Variants in GABRG3 observed in about 807,000 individuals in gnomAD.
The protein encoded by GABRG3 is gamma-aminobutyric acid receptor subunit gamma-3.
GABRG3 carries 25 observed loss-of-function variants against 48.8 expected under a neutral mutation model. The ratio of observed to expected loss-of-function variants is 0.51; its 90% CI spans 0.37 to 0.72. GABRG3 has a LOEUF of 0.72. Among genes scored for constraint, GABRG3 ranks in the 30% least tolerant of loss-of-function variants. GABRG3 has a pLI of 0.00. For synonymous variants in GABRG3, 227 were observed against 217.6 expected (o/e 1.04, Z -0.38); for missense variants, 394 against 577.9 (o/e 0.68, Z 3.26).
rs140639451 is a variant in GABRG3 at position 27,423,560 on chromosome 15, C to T, written c.575-57090C>T. 3.0e-4 allele frequency among the ~76,000 whole-genome samples: 43 copies of T among 145,662 alleles called. No homozygotes were observed. The East Asian group carries it at 8.3e-3, about 28-fold the overall frequency. Reference sequence around the variant, plus strand: ...TTTTTGGTTTTTTTTTTTTTTGAGACGAGGTTTTAGGGTCTTATTCTGTCG... The same window carrying T: ...TTTTTGGTTTTTTTTTTTTTTGAGATGAGGTTTTAGGGTCTTATTCTGTCG... On this transcript the variant is annotated intron_variant, in intron 5 of 9. Coordinates refer to ENST00000615808, the MANE Select transcript of GABRG3 (RefSeq NM_033223.5).
At chr15:27,272,291 G>A (rs1485088394) in intron 3 of GABRG3, among the ~76,000 whole-genome samples, 1 of 152,194 alleles carries the variant, frequency 6.6e-6, no homozygotes, top group African/African-American at 2.4e-5. Flanking sequence ...CATCTCTTGG[G>A]CACCCAGAGT....
intron 3 of GABRG3, among the ~76,000 whole-genome samples, chr15:27,211,584 G>A (rs1288873407): frequency 6.6e-6 from 1 of 152,162 alleles, no homozygotes; most frequent in Non-Finnish European, 1.5e-5. Flanking sequence ...AACAGCTTAA[G>A]CTAAAATGGT....
chr15:27,256,953 C>G (rs1245260970), intron 3 of GABRG3, among the ~76,000 whole-genome samples: 1 of 152,202 alleles, frequency 6.6e-6, no homozygotes, highest in Non-Finnish European at 1.5e-5. Context: ...ATTGCTGGAT[C>G]ATTTGGCAGT....
chr15:27,344,130 T>G (rs779610527), intron 5 of GABRG3, among the ~76,000 whole-genome samples: 55 of 152,214 alleles, frequency 3.6e-4, no homozygotes, highest in Non-Finnish European at 6.9e-4. Context: ...CCTCATCTTA[T>G]GAATAATGTG....
At chr15:27,263,663 G>A (rs8043244) in intron 3 of GABRG3, among the ~76,000 whole-genome samples, 92,616 of 152,000 alleles carry the variant, frequency 0.61, 29,099 homozygotes, top group Non-Finnish European at 0.69. Context: ...ATGGTATTCA[G>A]TTATGATTTC....
At chr15:27,264,832 C>A (rs1009909605) in intron 3 of GABRG3, among the ~76,000 whole-genome samples, 2 of 152,042 alleles carry the variant, frequency 1.3e-5, no homozygotes, top group Non-Finnish European at 2.9e-5. Context: ...CCTCTTTCCT[C>A]ACTCTATTAC....
At chr15:27,158,138 G>A (rs1011326372) in intron 3 of GABRG3, 4 of 152,024 alleles carry the variant, frequency 2.6e-5, no homozygotes, top group African/African-American at 9.7e-5. Context: ...AGGGATGCAG[G>A]TGGAAGGGGA....
intron 5 of GABRG3, among the ~76,000 whole-genome samples, chr15:27,423,721 C>CTTTTTTTTTTTTTTTTTTTT (rs542775399): frequency 1.2e-5 from 1 of 81,790 alleles, no homozygotes; most frequent in African/African-American, 5.9e-5. Context: ...TTTTCTTTTC[C>CTTTTTTTTTTTTTTTTTTTT]TTTTTTTTTT....
intron 3 of GABRG3, among the ~76,000 whole-genome samples, chr15:27,113,439 A>T (rs1897588741): frequency 2.6e-5 from 4 of 152,162 alleles, no homozygotes; most frequent in Admixed American, 2.6e-4. Flanking sequence ...AATACCAAAG[A>T]AGAGTTACCG....
At chr15:27,264,935 A>T (rs1890872818) in intron 3 of GABRG3, among the ~76,000 whole-genome samples, 1 of 152,124 alleles carries the variant, frequency 6.6e-6, no homozygotes, top group Non-Finnish European at 1.5e-5. Flanking sequence ...AAAAAAACAA[A>T]AACAACCAAC....
chr15:27,322,745 C>T lies in GABRG3; in HGVS notation c.271-4064C>T, dbSNP rs187211069. On this transcript the variant is annotated intron_variant, in intron 3 of 9. Coordinates refer to ENST00000615808, the MANE Select transcript of GABRG3 (RefSeq NM_033223.5). ...ACTTCTGCCCTGGGGTTCTTCTACA[C>T]GCCCCGAGTCTAACACCCAGACTCT... Among the ~76,000 whole-genome samples, 202 of 152,270 alleles carry T rather than the reference C, an allele frequency of 1.3e-3. 1 individual carries two copies. The highest frequency in any genetic ancestry group is 6.8e-3 in the Middle Eastern group (2 of 294).
chr15:27,120,653 C>T (rs1897715652), intron 3 of GABRG3, among the ~76,000 whole-genome samples: 1 of 152,070 alleles, frequency 6.6e-6, no homozygotes, highest in South Asian at 2.1e-4. Context: ...CTGGACTGGG[C>T]TCCTAGTAAG....
intron 3 of GABRG3, among the ~76,000 whole-genome samples, chr15:27,204,595 T>C (rs1183722176): frequency 1.3e-5 from 2 of 152,180 alleles, no homozygotes; most frequent in Admixed American, 1.3e-4. Context: ...GGTAGTTTGA[T>C]AGAAATGGCA....
intron 5 of GABRG3, among the ~76,000 whole-genome samples, chr15:27,471,155 C>T (rs1382257219): frequency 6.6e-6 from 1 of 152,014 alleles, no homozygotes; most frequent in Non-Finnish European, 1.5e-5. Context: ...GGGGTGGGGG[C>T]TAGGGAATGG....
chr15:27,182,530 C>T (rs1225187128), intron 3 of GABRG3, among the ~76,000 whole-genome samples: 1 of 152,134 alleles, frequency 6.6e-6, no homozygotes, highest in African/African-American at 2.4e-5. Flanking sequence ...AAAGCAGTGA[C>T]TTTAGAATTG....
chr15:27,325,473 A>G (rs1055585107), intron 3 of GABRG3, among the ~76,000 whole-genome samples: 5 of 152,212 alleles, frequency 3.3e-5, no homozygotes, highest in African/African-American at 1.2e-4. Context: ...CCCCAACTGC[A>G]CAAATGCTTA....
intron 3 of GABRG3, among the ~76,000 whole-genome samples, chr15:27,239,914 G>A (rs930626419): frequency 1.3e-5 from 2 of 152,052 alleles, no homozygotes; most frequent in Non-Finnish European, 2.9e-5. Flanking sequence ...TTATATGCTT[G>A]GACCTCCAGC....
chr15:27,045,992 G>T (rs1896356221), intron 3 of GABRG3, among the ~76,000 whole-genome samples: 1 of 152,196 alleles, frequency 6.6e-6, no homozygotes, highest in South Asian at 2.1e-4. Context: ...GGGCAGACGT[G>T]GGAACTGCAG....
chr15:27,386,715 A>G (rs1240858591), intron 5 of GABRG3, among the ~76,000 whole-genome samples: 1 of 152,196 alleles, frequency 6.6e-6, no homozygotes, highest in East Asian at 1.9e-4. Flanking sequence ...CTAAGATGCT[A>G]CAGACTCCGC....
Sources: allele counts gnomAD v4.1 joint callset (sites outside exome capture counted in the v4.1 genomes callset), GRCh38; gene constraint gnomAD v4.1.1; transcripts MANE v1.5; gene names NCBI Gene and HGNC (gene_info 2026-07-23, HGNC 2026-07-21).